The following CYP24A1 variants were observed in gnomAD, a reference collection of about 807,000 sequenced individuals.
CYP24A1 encodes the protein 1,25-dihydroxyvitamin D(3) 24-hydroxylase, mitochondrial.
CYP24A1 carries 68 observed loss-of-function variants against 62.4 expected under a neutral mutation model. That is an observed-to-expected ratio of 1.09 (90% confidence interval 0.90 to 1.33). The LOEUF is 1.33. Among genes scored for constraint, CYP24A1 ranks in the 40% most tolerant of loss-of-function variants. The probability of loss-of-function intolerance (pLI) is 0.00; values close to 1 mark genes in which losing one functional copy is unlikely to be tolerated. For synonymous variants in CYP24A1, 267 were observed against 253.0 expected (o/e 1.06, Z -0.52); for missense variants, 787 against 653.0 (o/e 1.21, Z -2.24).
downstream of CYP24A1, among the ~76,000 whole-genome samples, chr20:54,150,295 C>T (rs1005243174): frequency 1.3e-5 from 2 of 152,198 alleles, no homozygotes; most frequent in Non-Finnish European, 2.9e-5. Context: ...GAGTTCCATA[C>T]CCCTTAAACT....
chr20:54,145,461 G>A, the CYP24A1 span, among the ~76,000 whole-genome samples: 2 of 151,958 alleles, frequency 1.3e-5, no homozygotes, highest in Non-Finnish European at 2.9e-5. Context: ...GTAACATAGC[G>A]AAACCCCATC....
Position 54,157,155 on chromosome 20 carries a change from G to T in CYP24A1, c.*10+14C>A, listed in dbSNP as rs766327840. 4.0e-6 allele frequency: 5 copies of T among 1,250,872 alleles called. No individual in the cohort carries two copies. The highest frequency in any genetic ancestry group is 1.5e-5 in the African/African-American group (1 of 67,406). The allele number at this position is 1,250,872 out of a possible 1,614,324, so 77.5% of individuals were successfully genotyped here. On this transcript the variant is annotated intron_variant, in intron 11 of 11. Coordinates refer to ENST00000216862, the MANE Select transcript of CYP24A1 (RefSeq NM_000782.5). ...ACTACCTTGCAGAGGATAATGAACC[G>T]CCTAGATGCTCACCTGAGGCGTATT...
At position 54,173,097 on chromosome 20, in the gene CYP24A1, C is replaced by T. The variant is rs892057051; in HGVS notation, c.261G>A (p.Val87=). The T allele has an allele frequency of 1.2e-6, 2 of 1,602,266 alleles. No individual in the cohort carries two copies. Among genetic ancestry groups the T allele is most frequent in the African/African-American group, 1.3e-5 (1 of 74,934 alleles). ...GGLKKQHDTL[V]EYHKKYGKIF... is the part of the protein sequence containing the mutation. ...TCTTGCCATACTTCTTGTGGTACTC[C>T]ACCTGCAGCCGGCCGGGCACAGCGC... Residue 87 remains valine, a splice_region_variant and synonymous_variant, in exon 2 of 12, where the codon GTG becomes GTA. Transcript: ENST00000216862. This position sits in a 1 kb window ranked among gnomAD's most constrained non-coding sequence, Gnocchi z 7.2.
At position 54,164,440 on chromosome 20, in the gene CYP24A1, G is replaced by T. The variant is rs1275250957; in HGVS notation, c.844+12C>A. On this transcript the variant is annotated intron_variant, in intron 6 of 11. Coordinates refer to ENST00000216862, the MANE Select transcript of CYP24A1 (RefSeq NM_000782.5). ...GGCTGGTTCTGGCTGGTTGTGAAGG[G>T]CGGCCCTTTACCTGATTTGAAAATG... 1 of 1,614,052 alleles carries T rather than the reference G, an allele frequency of 6.2e-7. No individual in the cohort carries two copies. Among genetic ancestry groups the T allele is most frequent in the East Asian group, 2.2e-5 (1 of 44,872 alleles).
rs987869272 is a variant in CYP24A1 at position 54,173,887 on chromosome 20, C to A, written c.-308G>T. 4 of 480,396 alleles carry A rather than the reference C, an allele frequency of 8.3e-6. No homozygotes were observed. The highest frequency in any genetic ancestry group is 1.5e-5 in the Non-Finnish European group (4 of 264,812). The allele number at this position is 480,396 out of a possible 1,614,324, so 29.8% of individuals were successfully genotyped here. A position where few individuals can be genotyped will look rare whatever the true frequency, so the allele number is the denominator to read the frequency against. On this transcript the variant is annotated 5_prime_UTR_variant, in exon 1 of 12. The change creates a premature stop within an existing upstream ORF in the 5' untranslated region. Transcript: ENST00000216862. This position sits in a 1 kb window ranked among gnomAD's most constrained non-coding sequence, Gnocchi z 7.2. Reference sequence around the variant, plus strand: ...AAAGCTGGGAGTCCTCCTGTTGGTCCGCAAGGCTGACCTCTAGGGTCTGGC... The same window carrying A: ...AAAGCTGGGAGTCCTCCTGTTGGTCAGCAAGGCTGACCTCTAGGGTCTGGC...
the CYP24A1 span, among the ~76,000 whole-genome samples, chr20:54,146,443 T>C: frequency 6.6e-6 from 1 of 152,142 alleles, no homozygotes; most frequent in African/African-American, 2.4e-5. Flanking sequence ...CGGTCTCCAG[T>C]AGATTTCACC....
chr20:54,158,429 C>A (rs1041247478), intron 8 of CYP24A1, among the ~76,000 whole-genome samples: 4 of 152,172 alleles, frequency 2.6e-5, no homozygotes, highest in Admixed American at 6.5e-5. Context: ...TCATTCCAGA[C>A]TAAAATGTGT....
intron 11 of CYP24A1, 83 bp downstream of exon 11, chr20:54,157,086 C>T: frequency 1.3e-6 from 1 of 742,768 alleles, no homozygotes; most frequent in East Asian, 2.7e-5. Context: ...ATTCAAACCC[C>T]AGTCTGGCTG....
At chr20:54,157,978 T>A (rs2092635627) in intron 9 of CYP24A1, 108 bp downstream of exon 9, 11 of 1,544,872 alleles carry the variant, frequency 7.1e-6, no homozygotes, top group Non-Finnish European at 9.6e-6. Context: ...ATCTCTGCAT[T>A]CCCAAAATGA....
chr20:54,150,810 C>T (rs376782707), downstream of CYP24A1, among the ~76,000 whole-genome samples: 125 of 152,256 alleles, frequency 8.2e-4, 1 homozygote, highest in East Asian at 0.013. Flanking sequence ...GTACGTAGCT[C>T]GGTGCTGAGC....
chr20:54,151,633 G>A (rs1400194096), downstream of CYP24A1, among the ~76,000 whole-genome samples: 2 of 151,846 alleles, frequency 1.3e-5, no homozygotes, highest in Admixed American at 6.6e-5. Flanking sequence ...TGCAACCTCC[G>A]CCTCCTGGGT....
chr20:54,157,429 G>T lies in CYP24A1; in HGVS notation c.1393C>A (p.Arg465Ser). 6.2e-7 allele frequency: 1 copy of T among 1,605,722 alleles called. No individual in the cohort carries two copies. Among genetic ancestry groups the T allele is most frequent in the Non-Finnish European group, 8.5e-7 (1 of 1,172,314 alleles). The change falls in exon 10 of 12, where the codon CGC (arginine) becomes AGC (serine). Residue 465 changes from arginine (R) to serine (S), a missense_variant. Coordinates refer to ENST00000216862, the MANE Select transcript of CYP24A1 (RefSeq NM_000782.5). Reference protein sequence around the residue: ...FGVGKRMCIGRRLAELQLHLA... With the variant: ...FGVGKRMCIGSRLAELQLHLA... ...TGCAGTTGAAGCTCTGCTAATCGGCGACCAATGCACATTCTTTTTCCAACG... is the reference window on the plus strand; with the variant it reads ...TGCAGTTGAAGCTCTGCTAATCGGCTACCAATGCACATTCTTTTTCCAACG...
In CYP24A1 at chr20:54,173,123, G is replaced by A. The variant is rs1308364019; in HGVS notation, c.259-24C>T. On this transcript the variant is annotated intron_variant, in intron 1 of 11. Coordinates refer to ENST00000216862, the MANE Select transcript of CYP24A1 (RefSeq NM_000782.5). This position sits in a 1 kb window ranked among gnomAD's most constrained non-coding sequence, Gnocchi z 7.2. ...ACCTGCAGCCGGCCGGGCACAGCGC[G>A]GTGTCAGCGCGCATCCTCCGCCGTG... 3.8e-6 allele frequency: 6 copies of A among 1,599,938 alleles called. No individual in the cohort carries two copies. The highest frequency in any genetic ancestry group is 1.3e-5 in the African/African-American group (1 of 74,882).
chr20:54,159,097 G>A lies in CYP24A1; in HGVS notation c.1017C>T (p.Leu339=), dbSNP rs772095401. The A allele has an allele frequency of 1.2e-6, 2 of 1,613,906 alleles. No homozygotes were observed. The highest frequency in any genetic ancestry group is 1.1e-5 in the South Asian group (1 of 91,074). ...ETTANSLMWI[L]YNLSRNPQVQ... The stretch of plus-strand genomic sequence containing the variant: ...CTTGGGGATTACGGGATAAATTGTA[G>A]AGAATCCACATTAGACTGTTTGCTG... Residue 339 remains leucine (L), a synonymous_variant, in exon 8 of 12, where the codon CTC becomes CTT. Coordinates refer to ENST00000216862, the MANE Select transcript of CYP24A1 (RefSeq NM_000782.5).
the CYP24A1 span, among the ~76,000 whole-genome samples, chr20:54,143,800 T>C: frequency 1.3e-5 from 2 of 151,684 alleles, no homozygotes; most frequent in African/African-American, 4.9e-5. Flanking sequence ...TTGAAAAAAC[T>C]AAAAACAGGC....
intron 3 of CYP24A1, among the ~76,000 whole-genome samples, chr20:54,170,120 G>T (rs2092689018): frequency 6.6e-6 from 1 of 152,138 alleles, no homozygotes; most frequent in Non-Finnish European, 1.5e-5. Flanking sequence ...TCTCTTTATT[G>T]GTTGGTGGTT....
At chr20:54,146,468 CT>C in the CYP24A1 span, among the ~76,000 whole-genome samples, 1 of 152,100 alleles carries the variant, frequency 6.6e-6, no homozygotes, top group Non-Finnish European at 1.5e-5. Context: ...GTAGAGAGAT[CT>C]GGGCCAATCA....
chr20:54,154,076 C>T lies in CYP24A1; in HGVS notation c.*696G>A, dbSNP rs970083076. 5 of 152,140 alleles carry T rather than the reference C, an allele frequency of 3.3e-5. No homozygotes were observed. The highest frequency in any genetic ancestry group is 9.7e-5 in the African/African-American group (4 of 41,424). 9.4% of individuals were successfully genotyped at this position (152,140 alleles called of 1,614,324 possible). A position where few individuals can be genotyped will look rare whatever the true frequency, so the allele number is the denominator to read the frequency against. ...ATACACGGACACACACACACAGACA[C>T]ACACACACATGCATGTCTGTGCTTC... On this transcript the variant is annotated 3_prime_UTR_variant, in exon 12 of 12. Coordinates refer to ENST00000216862, the MANE Select transcript of CYP24A1 (RefSeq NM_000782.5).
At chr20:54,157,728 G>A in intron 9 of CYP24A1, 143 bp from the exon 10 acceptor site, 1 of 724,718 alleles carries the variant, frequency 1.4e-6, no homozygotes, top group Non-Finnish European at 2.5e-6. Flanking sequence ...TGCGCTGAGT[G>A]CTTAAAATGT....
Sources: gnomAD v4.1 joint callset for allele counts (sites outside exome capture counted in the v4.1 genomes callset) on GRCh38, gnomAD v4.1.1 for gene constraint, Gnocchi (gnomAD v3.1) non-coding constraint, MANE v1.5 for transcripts, NCBI Gene and HGNC (gene_info 2026-07-23, HGNC 2026-07-21) for gene names.